The following ZFAT variants were observed in gnomAD, a reference collection of about 807,000 sequenced individuals.
The protein encoded by ZFAT is zinc finger and AT-hook domain containing.
ZFAT carries 64 observed loss-of-function variants against 117.7 expected under a neutral mutation model. The ratio of observed to expected loss-of-function variants is 0.54; its 90% CI spans 0.44 to 0.67. ZFAT has a LOEUF of 0.67. ZFAT is among the 30% of genes least tolerant of loss of function. The probability of loss-of-function intolerance (pLI) is 0.00; values close to 1 mark genes in which losing one functional copy is unlikely to be tolerated. For missense variants in ZFAT, 1,433 were observed against 1,584.5 expected (o/e 0.90, Z 1.62); for synonymous variants, 679 against 615.0 (o/e 1.10, Z -1.54).
At chr8:134,691,771 A>G (rs1398092524) in intron 1 of ZFAT, among the ~76,000 whole-genome samples, 7 of 152,200 alleles carry the variant, frequency 4.6e-5, no homozygotes, top group African/African-American at 1.7e-4. Flanking sequence ...CCCTCAATAG[A>G]TTGTAAGCTC....
intron 10 of ZFAT, among the ~76,000 whole-genome samples, chr8:134,569,407 C>G (rs1414305943): frequency 6.6e-6 from 1 of 152,144 alleles, no homozygotes; most frequent in African/African-American, 2.4e-5. Flanking sequence ...GGGTGTGATA[C>G]AATTTCCGAA....
intron 11 of ZFAT, among the ~76,000 whole-genome samples, chr8:134,558,630 G>A (rs894977858): frequency 3.3e-5 from 5 of 152,202 alleles, no homozygotes; most frequent in South Asian, 4.2e-4. Context: ...TAATCTCATC[G>A]AAAAGTATAT....
chr8:134,690,591 C>A (rs1489645536), intron 1 of ZFAT, among the ~76,000 whole-genome samples: 1 of 152,150 alleles, frequency 6.6e-6, no homozygotes, highest in East Asian at 1.9e-4. Flanking sequence ...TGAACTTCCC[C>A]CTAGTATTTA....
At chr8:134,489,117 G>A (rs1198027188) in intron 15 of ZFAT, among the ~76,000 whole-genome samples, 1 of 151,906 alleles carries the variant, frequency 6.6e-6, no homozygotes, top group Non-Finnish European at 1.5e-5. Context: ...TAAAATTAAT[G>A]GGTGCCTCTC....
chr8:134,744,314 G>A, the ZFAT span, among the ~76,000 whole-genome samples: 3,337 of 82,376 alleles, frequency 0.041, 95 homozygotes, highest in Middle Eastern at 0.1. Flanking sequence ...TTTTTTTTTT[G>A]AGATGGAGTC....
chr8:134,805,979 A>AAAAAAT, the ZFAT span, among the ~76,000 whole-genome samples: 1 of 152,292 alleles, frequency 6.6e-6, no homozygotes, highest in East Asian at 1.9e-4. Flanking sequence ...CCTGTCTCAA[A>AAAAAAT]AAAAATAAAA....
chr8:134,696,565 A>G lies in ZFAT; in HGVS notation c.19+16280T>C, dbSNP rs1261578061. ...CTCAGACTCCTGCACTCTCCCAGGA[A>G]GCCCTACCATCCTAGTTATCCCTGG... On this transcript the variant is annotated intron_variant, in intron 1 of 15. Transcript: ENST00000377838. 3.0e-6 allele frequency: 3 copies of G among 985,980 alleles called. No homozygotes were observed. The East Asian group carries it at 3.4e-4, about 112-fold the overall frequency. 61.1% of individuals were successfully genotyped at this position (985,980 alleles called of 1,614,324 possible). A position where few individuals can be genotyped will look rare whatever the true frequency, so the allele number is the denominator to read the frequency against.
the ZFAT span, among the ~76,000 whole-genome samples, chr8:134,761,566 G>T: frequency 6.6e-6 from 1 of 151,838 alleles, no homozygotes; most frequent in African/African-American, 2.4e-5. Flanking sequence ...TAGGCATGGT[G>T]GCAAATGCCT....
chr8:134,599,931 G>C (rs534455912), intron 7 of ZFAT: 114 of 390,676 alleles, frequency 2.9e-4, no homozygotes, highest in Admixed American at 8.0e-4. Flanking sequence ...TAAAATAAAC[G>C]TGCTTCAAAG....
chr8:134,538,672 C>G (rs867669496), intron 11 of ZFAT, among the ~76,000 whole-genome samples: 59 of 151,812 alleles, frequency 3.9e-4, no homozygotes, highest in African/African-American at 1.4e-3. Flanking sequence ...TGGTACATGC[C>G]TGTAGTCCCA....
chr8:134,777,857 T>C, the ZFAT span, among the ~76,000 whole-genome samples: 3 of 152,170 alleles, frequency 2.0e-5, no homozygotes, highest in Non-Finnish European at 4.4e-5. Context: ...TTGAAACCTG[T>C]GTTATACAAT....
intron 11 of ZFAT, among the ~76,000 whole-genome samples, chr8:134,559,216 A>C (rs1165884285): frequency 6.6e-6 from 1 of 152,224 alleles, no homozygotes; most frequent in African/African-American, 2.4e-5. Context: ...ACCCAGTTCC[A>C]ACCCTCACCC....
intron 11 of ZFAT, among the ~76,000 whole-genome samples, chr8:134,539,134 T>C (rs1349724757): frequency 6.6e-6 from 1 of 152,176 alleles, no homozygotes; most frequent in Non-Finnish European, 1.5e-5. Context: ...AGAAGACATC[T>C]AAAAACCTCT....
At chr8:134,519,309 G>A (rs1400080613) in intron 13 of ZFAT, among the ~76,000 whole-genome samples, 2 of 152,064 alleles carry the variant, frequency 1.3e-5, no homozygotes, top group Non-Finnish European at 2.9e-5. Context: ...TTTCAGAAGT[G>A]TTTTATAGTC....
intron 3 of ZFAT, among the ~76,000 whole-genome samples, chr8:134,618,378 T>C (rs1401959964): frequency 6.6e-6 from 1 of 152,160 alleles, no homozygotes; most frequent in Non-Finnish European, 1.5e-5. Context: ...TGTCCTGGTA[T>C]GTGTGGTGTT....
At chr8:134,788,029 G>A in the ZFAT span, among the ~76,000 whole-genome samples, 1 of 152,030 alleles carries the variant, frequency 6.6e-6, no homozygotes, top group East Asian at 1.9e-4. Context: ...CTTTCTAAAC[G>A]TTCTATCTTT....
At chr8:134,624,947 G>A (rs1292716724) in intron 3 of ZFAT, among the ~76,000 whole-genome samples, 2 of 150,690 alleles carry the variant, frequency 1.3e-5, no homozygotes, top group Admixed American at 6.6e-5. Context: ...GAATGCCCCA[G>A]AGAGTAAAGT....
chr8:134,514,940 C>T (rs990442441), intron 13 of ZFAT, among the ~76,000 whole-genome samples: 4 of 152,302 alleles, frequency 2.6e-5, no homozygotes, highest in Admixed American at 6.5e-5. Flanking sequence ...GGTATTTCTC[C>T]TAATGCTATC....
In ZFAT at chr8:134,697,063, G is replaced by C. The variant is rs373965866; in HGVS notation, c.19+15782C>G. 6.4e-3 allele frequency among the ~76,000 whole-genome samples: 968 copies of C among 151,394 alleles called. 14 individuals are homozygous for C. The highest frequency in any genetic ancestry group is 0.022 in the African/African-American group (921 of 41,168). On this transcript the variant is annotated intron_variant, in intron 1 of 15. Transcript: ENST00000377838. ...CTCCAGAGTAGCTGGGATTACAGGT[G>C]CCCACCGCCACATCTGGCTAATTGT...
Sources: allele counts gnomAD v4.1 joint callset (sites outside exome capture counted in the v4.1 genomes callset), GRCh38; gene constraint gnomAD v4.1.1; transcripts MANE v1.5; gene names NCBI Gene and HGNC (gene_info 2026-07-23, HGNC 2026-07-21).